Variants in AGAP1 observed in about 807,000 individuals in gnomAD.
AGAP1 encodes ArfGAP with GTPase domain, ankyrin repeat and PH domain 1.
AGAP1 carries 29 observed loss-of-function variants against 105.3 expected under a neutral mutation model. The observed-to-expected ratio is 0.28, with a 90% CI of 0.21 to 0.38. AGAP1 has a LOEUF of 0.38. AGAP1 is among the 10% of genes least tolerant of loss of function. AGAP1 has a pLI of 1.00. For synonymous variants in AGAP1, 509 were observed against 485.9 expected, an observed-to-expected ratio of 1.05 and a Z score of -0.63; for missense variants, 998 against 1,165.1, an observed-to-expected ratio of 0.86 and a Z score of 2.09.
At chr2:235,496,155 C>T (rs1941310260) in intron 1 of AGAP1, among the ~76,000 whole-genome samples, 1 of 152,220 alleles carries the variant, frequency 6.6e-6, no homozygotes, top group Non-Finnish European at 1.5e-5. Flanking sequence ...TGGCATTTGG[C>T]AGCCCTGTAG....
chr2:235,569,213 G>A lies in AGAP1; in HGVS notation c.163+74364G>A, dbSNP rs931958743. On this transcript the variant is annotated intron_variant, in intron 1 of 17. Coordinates refer to ENST00000304032, the MANE Select transcript of AGAP1 (RefSeq NM_001037131.3). The surrounding 1 kb of genome is among the most constrained non-coding windows in gnomAD (Gnocchi z 5.9). Reference sequence around the variant, plus strand: ...GCCTGTAGTCCCAGCTACTTGGGAGGCTGAGGCAGGAGAATCGCTTGAACC... The same window carrying A: ...GCCTGTAGTCCCAGCTACTTGGGAGACTGAGGCAGGAGAATCGCTTGAACC... Among the ~76,000 whole-genome samples the A allele has an allele frequency of 1.1e-4, 17 of 152,168 alleles. No homozygotes were observed. Among genetic ancestry groups the A allele is most frequent in the African/African-American group, 4.1e-4 (17 of 41,438 alleles).
At chr2:235,827,666 C>T (rs908410235) in intron 9 of AGAP1, among the ~76,000 whole-genome samples, 4 of 152,140 alleles carry the variant, frequency 2.6e-5, no homozygotes, top group Non-Finnish European at 5.9e-5. Flanking sequence ...ACAGGTGGCA[C>T]GCCTAAGAGT....
intron 11 of AGAP1, among the ~76,000 whole-genome samples, chr2:235,914,854 C>T (rs993652990): frequency 6.6e-6 from 1 of 152,180 alleles, no homozygotes. Context: ...GTTGTCCCTG[C>T]CACCAACACC....
intron 13 of AGAP1, among the ~76,000 whole-genome samples, chr2:236,006,794 A>G (rs887516478): frequency 6.6e-6 from 1 of 152,246 alleles, no homozygotes; most frequent in Non-Finnish European, 1.5e-5. Flanking sequence ...TAGATAAGCC[A>G]TGGCTTATTC....
At chr2:236,030,866 A>G (rs1476364546) in intron 13 of AGAP1, among the ~76,000 whole-genome samples, 1 of 152,206 alleles carries the variant, frequency 6.6e-6, no homozygotes, top group African/African-American at 2.4e-5. Context: ...CTGAAAGTAG[A>G]AGGAAGTGGA....
At position 235,741,602 on chromosome 2, in the gene AGAP1, T is replaced by C; in HGVS notation, c.396+554T>C. Among the ~76,000 whole-genome samples, 1 of 152,202 alleles carries C rather than the reference T, an allele frequency of 6.6e-6. No individual in the cohort carries two copies. Among genetic ancestry groups the C allele is most frequent in the Middle Eastern group, 3.2e-3 (1 of 316 alleles). ...CCTGGAAAGATGGTCATTCTGGAAA[T>C]AACAAAACATGAGTGTGGAAGATCT... On this transcript the variant is annotated intron_variant, in intron 4 of 17. Transcript: ENST00000304032. The surrounding 1 kb of genome is among the most constrained non-coding windows in gnomAD (Gnocchi z 4.9).
At chr2:236,049,935 G>A (rs1387206283) in intron 16 of AGAP1, 1 of 152,232 alleles carries the variant, frequency 6.6e-6, no homozygotes, top group East Asian at 1.9e-4. Flanking sequence ...AAAATGGAGT[G>A]TCTTCTGAGA....
At position 235,579,156 on chromosome 2, in the gene AGAP1, G is replaced by C. The variant is rs371267870; in HGVS notation, c.163+84307G>C. ...GCTGGTTTACTGTCGTAAAACTTTC[G>C]TATAAGGGCGCACTGTGTCAGCCCC... is the stretch of plus-strand genomic sequence containing the variant. On this transcript the variant is annotated intron_variant, in intron 1 of 17. Transcript: ENST00000304032. Among the ~76,000 whole-genome samples the C allele has an allele frequency of 3.9e-5, 6 of 152,248 alleles. No homozygotes were observed. In the East Asian group the frequency reaches 9.7e-4, roughly 24 times the overall value.
At position 235,691,383 on chromosome 2, in the gene AGAP1, A is replaced by G. The variant is rs112185596; in HGVS notation, c.164-17796A>G. Among the ~76,000 whole-genome samples, 4,989 of 152,300 alleles carry G rather than the reference A, an allele frequency of 0.033. 253 individuals are homozygous for G. The highest frequency in any genetic ancestry group is 0.11 in the African/African-American group (4,562 of 41,552). Reference sequence around the variant, plus strand: ...GGTTGCCAGTGCCTTACTTTTGGAGACAGGAATTGTTACACGTCTCCGTTG... The same window carrying G: ...GGTTGCCAGTGCCTTACTTTTGGAGGCAGGAATTGTTACACGTCTCCGTTG... On this transcript the variant is annotated intron_variant, in intron 1 of 17. Transcript: ENST00000304032. The surrounding 1 kb of genome is among the most constrained non-coding windows in gnomAD (Gnocchi z 4.4).
Position 235,557,129 on chromosome 2 carries a change from C to T in AGAP1, c.163+62280C>T, listed in dbSNP as rs1185383913. Among the ~76,000 whole-genome samples, 1 of 152,012 alleles carries T rather than the reference C, an allele frequency of 6.6e-6. No homozygotes were observed. Among genetic ancestry groups the T allele is most frequent in the Admixed American group, 6.6e-5 (1 of 15,258 alleles). ...CCCGTGGGTCTGGTTGTCTTGCTGA[C>T]CTGGTCTGCCTCCTGCTTGCTTCCA... On this transcript the variant is annotated intron_variant, in intron 1 of 17. Coordinates refer to ENST00000304032, the MANE Select transcript of AGAP1 (RefSeq NM_001037131.3). This position sits in a 1 kb window ranked among gnomAD's most constrained non-coding sequence, Gnocchi z 4.7.
intron 9 of AGAP1, among the ~76,000 whole-genome samples, chr2:235,853,878 C>G (rs576924739): frequency 2.6e-5 from 4 of 151,914 alleles, no homozygotes; most frequent in Non-Finnish European, 4.4e-5. Flanking sequence ...AGTACTGTTA[C>G]TAGCGACAGT....
In AGAP1 at chr2:235,635,005, A is replaced by C. The variant is rs559919406; in HGVS notation, c.164-74174A>C. 6.6e-6 allele frequency among the ~76,000 whole-genome samples: 1 copy of C among 151,292 alleles called. No individual in the cohort carries two copies. Among genetic ancestry groups the C allele is most frequent in the African/African-American group, 2.4e-5 (1 of 41,164 alleles). ...AGACAGTGGCCAACCGTGTGTCCTC[A>C]GATCTGCATGGAATTTCCTGTGGCG... On this transcript the variant is annotated intron_variant, in intron 1 of 17. Transcript: ENST00000304032. This position sits in a 1 kb window ranked among gnomAD's most constrained non-coding sequence, Gnocchi z 5.3.
chr2:235,559,566 C>A lies in AGAP1; in HGVS notation c.163+64717C>A, dbSNP rs1017105347. Among the ~76,000 whole-genome samples, 1 of 152,146 alleles carries A rather than the reference C, an allele frequency of 6.6e-6. No individual in the cohort carries two copies. The highest frequency in any genetic ancestry group is 2.1e-4 in the South Asian group (1 of 4,830). ...CAGGAAATAGAAAGCTAAAGGATATCCCTCATGATCCCTCATCCAGATCCC... is the reference window on the plus strand; with the variant it reads ...CAGGAAATAGAAAGCTAAAGGATATACCTCATGATCCCTCATCCAGATCCC... On this transcript the variant is annotated intron_variant, in intron 1 of 17. Transcript: ENST00000304032. The surrounding 1 kb of genome is among the most constrained non-coding windows in gnomAD (Gnocchi z 5.7).
At chr2:235,564,202 T>C (rs1426708521) in intron 1 of AGAP1, among the ~76,000 whole-genome samples, 1 of 152,246 alleles carries the variant, frequency 6.6e-6, no homozygotes, top group East Asian at 1.9e-4. Flanking sequence ...GTGATCTGGC[T>C]GCTCATGACC....
At position 235,659,097 on chromosome 2, in the gene AGAP1, G is replaced by A. The variant is rs1241890655; in HGVS notation, c.164-50082G>A. 3.9e-5 allele frequency among the ~76,000 whole-genome samples: 6 copies of A among 152,080 alleles called. No individual in the cohort carries two copies. Among genetic ancestry groups the A allele is most frequent in the African/African-American group, 7.2e-5 (3 of 41,406 alleles). On this transcript the variant is annotated intron_variant, in intron 1 of 17. Transcript: ENST00000304032. This position sits in a 1 kb window ranked among gnomAD's most constrained non-coding sequence, Gnocchi z 5.0. The stretch of plus-strand genomic sequence containing the variant: ...GCCTCCTTTTGCAAGTCCACCTGCC[G>A]TTCTGGGCTTGCCCTGGGGAAGGCC...
In AGAP1 at chr2:236,044,478, G is replaced by A. The variant is rs907551867; in HGVS notation, c.1891+3637G>A. Among the ~76,000 whole-genome samples, 11 of 152,208 alleles carry A rather than the reference G, an allele frequency of 7.2e-5. No homozygotes were observed. The highest frequency in any genetic ancestry group is 1.9e-4 in the African/African-American group (8 of 41,538). ...CATGAAGCCCTGGTTGGAGCTGACCGTGCGCTGGTCCCTCCCACCCTGCTG... is the reference window on the plus strand; with the variant it reads ...CATGAAGCCCTGGTTGGAGCTGACCATGCGCTGGTCCCTCCCACCCTGCTG... On this transcript the variant is annotated intron_variant, in intron 15 of 17. Coordinates refer to ENST00000304032, the MANE Select transcript of AGAP1 (RefSeq NM_001037131.3). The surrounding 1 kb of genome is among the most constrained non-coding windows in gnomAD (Gnocchi z 5.7).
Position 235,663,393 on chromosome 2 carries a change from G to A in AGAP1, c.164-45786G>A, listed in dbSNP as rs186420574. 3.5e-4 allele frequency among the ~76,000 whole-genome samples: 53 copies of A among 152,266 alleles called. No individual in the cohort carries two copies. The South Asian group carries it at 4.1e-3, about 12-fold the overall frequency. ...TGGGGTTGGGCTTTGAACTGGCATC[G>A]TAGGCATTTTGTTTTCTACATTTAG... is the stretch of plus-strand genomic sequence containing the variant. On this transcript the variant is annotated intron_variant, in intron 1 of 17. Transcript: ENST00000304032. The surrounding 1 kb of genome is among the most constrained non-coding windows in gnomAD (Gnocchi z 5.4).
chr2:235,767,743 A>G (rs1388690810), intron 6 of AGAP1, among the ~76,000 whole-genome samples: 5 of 130,054 alleles, frequency 3.8e-5, no homozygotes, highest in Non-Finnish European at 6.5e-5. Flanking sequence ...AATGTATACC[A>G]TTTATCTTGG....
At chr2:235,797,410 C>T (rs1184432453) in intron 6 of AGAP1, among the ~76,000 whole-genome samples, 1 of 151,950 alleles carries the variant, frequency 6.6e-6, no homozygotes, top group Admixed American at 6.6e-5. Context: ...GGCCATGTAA[C>T]GTTTGTGCAT....
Sources: allele counts gnomAD v4.1 joint callset (sites outside exome capture counted in the v4.1 genomes callset), GRCh38; gene constraint gnomAD v4.1.1; non-coding constraint Gnocchi (gnomAD v3.1); transcripts MANE v1.5; gene names NCBI Gene and HGNC (gene_info 2026-07-23, HGNC 2026-07-21).